Variants in SMARCAL1 observed in about 807,000 individuals in gnomAD.
SMARCAL1 encodes the protein SNF2 related chromatin remodeling annealing helicase 1, also known as ATP-driven annealing helicase.
In SMARCAL1, 58 loss-of-function variants were observed where a neutral mutation model predicts 94.5. That is an observed-to-expected ratio of 0.61 (90% CI 0.50 to 0.76). The LOEUF is 0.76. Among genes scored for constraint, SMARCAL1 ranks in the 30% least tolerant of loss-of-function variants. SMARCAL1 has a pLI of 0.00. For missense variants in SMARCAL1, 1,051 were observed against 1,177.9 expected, an observed-to-expected ratio of 0.89 and a Z score of 1.58; for synonymous variants, 422 against 455.1, an observed-to-expected ratio of 0.93 and a Z score of 0.93.
chr2:216,470,550 C>T (rs1378093521), intron 14 of SMARCAL1, among the ~76,000 whole-genome samples: 3 of 150,740 alleles, frequency 2.0e-5, no homozygotes, highest in Non-Finnish European at 2.9e-5. Flanking sequence ...TTCAGTGGCA[C>T]GAATGCTGCT....
intron 1 of SMARCAL1, among the ~76,000 whole-genome samples, chr2:216,413,211 A>T (rs1559120042): frequency 6.6e-6 from 1 of 152,122 alleles, no homozygotes; most frequent in Non-Finnish European, 1.5e-5. Context: ...GAAGGCTTTG[A>T]ACCCTATAGC....
chr2:216,469,550 G>T (rs889930816), intron 14 of SMARCAL1, among the ~76,000 whole-genome samples: 1 of 152,122 alleles, frequency 6.6e-6, no homozygotes, highest in African/African-American at 2.4e-5. Context: ...TCCCAATGGA[G>T]ATTTCTTTAT....
intron 4 of SMARCAL1, among the ~76,000 whole-genome samples, chr2:216,416,659 A>T (rs541849130): frequency 6.6e-6 from 1 of 152,336 alleles, no homozygotes; most frequent in South Asian, 2.1e-4. Flanking sequence ...AATAAGTTGT[A>T]CAACTGGGAT....
In SMARCAL1 at chr2:216,482,806, G is replaced by A. The variant is rs1266924103; in HGVS notation, c.2694G>A (p.Glu898=). The A allele has an allele frequency of 1.2e-6, 2 of 1,614,170 alleles. No individual in the cohort carries two copies. Among genetic ancestry groups the A allele is most frequent in the South Asian group, 1.1e-5 (1 of 91,082 alleles). ...KSFEKEGSDM[E]LLEAAESFDP... is the part of the protein sequence containing the mutation. ...TTGAGAAAGAAGGAAGTGATATGGA[G>A]CTCCTGGAAGCAGCAGAGTCCTTTG... is the stretch of plus-strand genomic sequence containing the variant. Residue 898 remains glutamate (E), a synonymous_variant, in exon 18 of 18, where the codon GAG becomes GAA. Transcript: ENST00000357276. This position sits in a 1 kb window ranked among gnomAD's most constrained non-coding sequence, Gnocchi z 4.3.
rs200679534 is a variant in SMARCAL1 at position 216,475,425 on chromosome 2, T to G, written c.2401T>G (p.Phe801Val). 7.1e-5 allele frequency: 114 copies of G among 1,613,988 alleles called. No individual in the cohort carries two copies. The highest frequency in any genetic ancestry group is 9.2e-5 in the Non-Finnish European group (108 of 1,180,020). The change falls in exon 15 of 18, where the codon TTT (phenylalanine) becomes GTT (valine). Residue 801 changes from phenylalanine (F) to valine (V), a missense_variant. Physicochemically the swap from Phe to Val is conservative, Grantham distance 50. Transcript: ENST00000357276. The surrounding 1 kb of genome is among the most constrained non-coding windows in gnomAD (Gnocchi z 4.4). ...LTFSSADLVV[F>V]AELFWNPGVL... ...CTTCTCCTCGGCTGACCTGGTGGTG[T>G]TTGCTGAGCTGTTTTGGAACCCAGG...
Position 216,474,388 on chromosome 2 carries a change from C to T in SMARCAL1, c.2245-881C>T, listed in dbSNP as rs1344314766. Reference sequence around the variant, plus strand: ...CTCCTGACCTCAGGTGATCTACCTGCCTTGGCCTCCCAGAGTGTTGGGATT... The same window carrying T: ...CTCCTGACCTCAGGTGATCTACCTGTCTTGGCCTCCCAGAGTGTTGGGATT... On this transcript the variant is annotated intron_variant, in intron 14 of 17. Transcript: ENST00000357276. Among the ~76,000 whole-genome samples the T allele has an allele frequency of 6.8e-5, 10 of 146,242 alleles. No homozygotes were observed. The East Asian group carries it at 1.9e-3, about 28-fold the overall frequency.
intron 12 of SMARCAL1, among the ~76,000 whole-genome samples, chr2:216,461,579 A>G (rs1220117720): frequency 1.3e-5 from 2 of 152,098 alleles, no homozygotes; most frequent in Non-Finnish European, 2.9e-5. Context: ...TGTAATCCCA[A>G]CATTTTGGGA....
At position 216,447,174 on chromosome 2, in the gene SMARCAL1, T is replaced by TGCCAACC; in HGVS notation, c.1851+16_1851+17insGCCAACC. 1.3e-6 allele frequency: 2 copies of TGCCAACC among 1,579,288 alleles called. No homozygotes were observed. Among genetic ancestry groups the TGCCAACC allele is most frequent in the Non-Finnish European group, 1.7e-6 (2 of 1,150,184 alleles). On this transcript the variant is annotated intron_variant, in intron 11 of 17. Transcript: ENST00000357276. ...TGCCAAACGGGTATGTATTATCTCT[T>TGCCAACC]CCCTCCCAGCCCACCCATTTCTCAC...
At chr2:216,414,522 T>G (rs1217977684) in intron 2 of SMARCAL1, 125 bp from the exon 3 acceptor site, 2 of 628,000 alleles carry the variant, frequency 3.2e-6, no homozygotes, top group Non-Finnish European at 5.6e-6. Flanking sequence ...TAAAAGAAAC[T>G]TTAATACATC....
At chr2:216,451,122 T>C (rs1694441939) in intron 12 of SMARCAL1, 58 bp downstream of exon 12, 11 of 1,381,058 alleles carry the variant, frequency 8.0e-6, no homozygotes, top group Non-Finnish European at 1.0e-5. Flanking sequence ...TTCCTTTCCA[T>C]GAGAGGCCCT....
At chr2:216,449,384 TTTTTC>T (rs959469898) in intron 11 of SMARCAL1, among the ~76,000 whole-genome samples, 11 of 84,426 alleles carry the variant, frequency 1.3e-4, no homozygotes, top group Admixed American at 4.0e-4. Flanking sequence ...CTGCCTTTTT[TTTTTC>T]TTTTTCTTTT....
Position 216,416,304 on chromosome 2 carries a change from C to T in SMARCAL1, c.859C>T (p.Leu287=), listed in dbSNP as rs1693600329. The change falls in exon 4 of 18, where the codon CTG becomes TTG. Residue 287 remains leucine, a synonymous_variant. Coordinates refer to ENST00000357276, the MANE Select transcript of SMARCAL1 (RefSeq NM_014140.4). ...WNFSMNDYSA[L]MKAAQSLPTV... ...CTTCAGCATGAATGACTATAGTGCC[C>T]TGAGTAAGTAGACACATGGTTGTCT... 1.9e-6 allele frequency: 3 copies of T among 1,612,816 alleles called. No individual in the cohort carries two copies. The highest frequency in any genetic ancestry group is 1.7e-6 in the Non-Finnish European group (2 of 1,178,976).
In SMARCAL1 at chr2:216,416,386, A is replaced by C. The variant is rs1157080879; in HGVS notation, c.862+79A>C. 2.5e-6 allele frequency: 3 copies of C among 1,197,504 alleles called. No homozygotes were observed. In the East Asian group the frequency reaches 7.1e-5, roughly 28 times the overall value. 74.2% of individuals were successfully genotyped at this position (1,197,504 alleles called of 1,614,324 possible). A position where few individuals can be genotyped will look rare whatever the true frequency, so the allele number is the denominator to read the frequency against. On this transcript the variant is annotated intron_variant, in intron 4 of 17. Coordinates refer to ENST00000357276, the MANE Select transcript of SMARCAL1 (RefSeq NM_014140.4). The stretch of plus-strand genomic sequence containing the variant: ...TAGAGTATCACATGTAGTCCAGCTT[A>C]TGGAGTGCATGGCTTTACAGGTGGT...
Position 216,447,174 on chromosome 2 carries a change from T to TTG in SMARCAL1, c.1851+16_1851+17insTG. The TTG allele has an allele frequency of 1.9e-6, 3 of 1,579,092 alleles. No homozygotes were observed. Among genetic ancestry groups the TTG allele is most frequent in the Non-Finnish European group, 1.7e-6 (2 of 1,150,004 alleles). ...TGCCAAACGGGTATGTATTATCTCT[T>TTG]CCCTCCCAGCCCACCCATTTCTCAC... On this transcript the variant is annotated intron_variant, in intron 11 of 17. Coordinates refer to ENST00000357276, the MANE Select transcript of SMARCAL1 (RefSeq NM_014140.4).
At chr2:216,429,126 G>A (rs755583423) in intron 7 of SMARCAL1, among the ~76,000 whole-genome samples, 16 of 152,224 alleles carry the variant, frequency 1.1e-4, no homozygotes, top group Non-Finnish European at 1.6e-4. Context: ...CTTTCTGTTT[G>A]TTTGCTCTGT....
intron 4 of SMARCAL1, among the ~76,000 whole-genome samples, chr2:216,419,581 A>G (rs936049572): frequency 2.4e-4 from 36 of 152,184 alleles, no homozygotes; most frequent in Admixed American, 2.0e-4. Flanking sequence ...TAGACAGAGT[A>G]GCGACCTAGG....
intron 4 of SMARCAL1, among the ~76,000 whole-genome samples, chr2:216,418,375 C>T (rs1693650138): frequency 6.6e-6 from 1 of 152,224 alleles, no homozygotes; most frequent in South Asian, 2.1e-4. Context: ...TCCTCTGCAT[C>T]TTTACCAATG....
chr2:216,460,749 T>C (rs1694680415), intron 12 of SMARCAL1, among the ~76,000 whole-genome samples: 3 of 149,994 alleles, frequency 2.0e-5, no homozygotes, highest in Admixed American at 2.0e-4. Flanking sequence ...GATGAGTTAA[T>C]GGGTGCAGCA....
chr2:216,473,220 C>T (rs1248624423), intron 14 of SMARCAL1, among the ~76,000 whole-genome samples: 2 of 151,202 alleles, frequency 1.3e-5, no homozygotes, highest in Non-Finnish European at 2.9e-5. Context: ...GATTAGTTTG[C>T]GGATTTTTAG....
Sources: allele counts gnomAD v4.1 joint callset (sites outside exome capture counted in the v4.1 genomes callset), GRCh38; gene constraint gnomAD v4.1.1; non-coding constraint Gnocchi (gnomAD v3.1); transcripts MANE v1.5; gene names NCBI Gene and HGNC (gene_info 2026-07-23, HGNC 2026-07-21).